KL: variants seen among roughly 807,000 people sequenced by gnomAD.
KL encodes the protein klotho.
Under a neutral mutation model 84.2 loss-of-function variants are expected in KL, and 62 were observed. The observed-to-expected ratio is 0.74, with a 90% confidence interval of 0.60 to 0.91. The LOEUF is 0.91. Among genes scored for constraint, KL ranks in the 40% least tolerant of loss-of-function variants. The pLI is 0.00. For missense variants in KL, 1,261 were observed against 1,305.7 expected, an observed-to-expected ratio of 0.97 and a Z score of 0.53; for synonymous variants, 528 against 528.0, an observed-to-expected ratio of 1.00 and a Z score of 0.00.
chr13:33,032,927 T>C (rs1308325007), intron 1 of KL, among the ~76,000 whole-genome samples: 1 of 151,882 alleles, frequency 6.6e-6, no homozygotes. Context: ...AATCTTTCCT[T>C]CCTCTGAATC....
intron 3 of KL, 107 bp from the exon 4 acceptor site, chr13:33,060,572 G>C: frequency 1.6e-6 from 2 of 1,218,722 alleles, no homozygotes; most frequent in Non-Finnish European, 2.4e-6. Flanking sequence ...AGCTAGAAAG[G>C]CTTCTATTTT....
intron 4 of KL, among the ~76,000 whole-genome samples, chr13:33,063,189 A>G (rs1233124775): frequency 6.6e-6 from 1 of 151,964 alleles, no homozygotes; most frequent in East Asian, 1.9e-4. Context: ...TGTCATCAGT[A>G]AAGTAGCCAG....
rs536524249 is a variant in KL, at chr13:33,019,569, GAGTCA to G, written c.819+2313_819+2317del. Among the ~76,000 whole-genome samples the G allele has an allele frequency of 3.7e-3, 561 of 152,142 alleles. 3 individuals carry two copies. The highest frequency in any genetic ancestry group is 0.034 in the Middle Eastern group (10 of 294). ...GATGGGAAGCTTGACCCCTCCTAGA[GAGTCA>G]AGAATCATTGATGGCCTGGAGGACA... On this transcript the variant is annotated intron_variant, in intron 1 of 4. Coordinates refer to ENST00000380099, the MANE Select transcript of KL (RefSeq NM_004795.4).
At position 33,046,768 on chromosome 13, in the gene KL, T is replaced by C. The variant is rs147071734; in HGVS notation, c.820-6999T>C. ...ATCTTGTTTTTTTTTTTGATGTAGG[T>C]ATTTAAAGCTATAAAATTTCCTCTG... On this transcript the variant is annotated intron_variant, in intron 1 of 4. Transcript: ENST00000380099. 4.1e-3 allele frequency among the ~76,000 whole-genome samples: 612 copies of C among 151,100 alleles called. 6 individuals carry two copies. Among genetic ancestry groups the C allele is most frequent in the African/African-American group, 0.014 (589 of 41,374 alleles).
At position 33,020,394 on chromosome 13, in the gene KL, C is replaced by T. The variant is rs191269005; in HGVS notation, c.819+3135C>T. On this transcript the variant is annotated intron_variant, in intron 1 of 4. Coordinates refer to ENST00000380099, the MANE Select transcript of KL (RefSeq NM_004795.4). ...CCTGTAAATAGTGGAGGGCTCAGGG[C>T]TCTGTCTAGATTCACTCCAGGCCAT... 2.2e-3 allele frequency among the ~76,000 whole-genome samples: 339 copies of T among 152,206 alleles called. 4 individuals carry two copies. The highest frequency in any genetic ancestry group is 2.4e-3 in the Non-Finnish European group (163 of 68,004).
At chr13:33,051,868 C>A (rs958082228) in intron 1 of KL, among the ~76,000 whole-genome samples, 1 of 152,156 alleles carries the variant, frequency 6.6e-6, no homozygotes, top group African/African-American at 2.4e-5. Context: ...TTAGGAAAGT[C>A]CCCTGGTTTT....
chr13:33,025,191 G>A (rs1351399987), intron 1 of KL, among the ~76,000 whole-genome samples: 3 of 152,200 alleles, frequency 2.0e-5, no homozygotes, highest in Non-Finnish European at 4.4e-5. Flanking sequence ...TTCAAGAAAG[G>A]AGAGATAGGT....
chr13:33,042,016 G>A (rs1356355986), intron 1 of KL, among the ~76,000 whole-genome samples: 2 of 152,120 alleles, frequency 1.3e-5, no homozygotes, highest in African/African-American at 4.8e-5. Flanking sequence ...AAAGTGCCTA[G>A]TGTAATATTT....
At chr13:33,059,951 AACTC>A (rs746123534) in intron 3 of KL, among the ~76,000 whole-genome samples, 1 of 152,138 alleles carries the variant, frequency 6.6e-6, no homozygotes, top group Non-Finnish European at 1.5e-5. Context: ...TTTCTTACTT[AACTC>A]ACTCAGTTTT....
intron 1 of KL, among the ~76,000 whole-genome samples, chr13:33,044,522 C>T (rs1187119951): frequency 6.6e-6 from 1 of 151,596 alleles, no homozygotes; most frequent in East Asian, 1.9e-4. Context: ...CAAACTTGCA[C>T]ATCTTTTGTT....
At chr13:33,021,347 A>G (rs2138189617) in intron 1 of KL, among the ~76,000 whole-genome samples, 1 of 152,340 alleles carries the variant, frequency 6.6e-6, no homozygotes, top group African/African-American at 2.4e-5. Context: ...TTCCATTGTG[A>G]AAATGTCCAG....
At chr13:33,031,188 A>T (rs1566500526) in intron 1 of KL, among the ~76,000 whole-genome samples, 1 of 152,236 alleles carries the variant, frequency 6.6e-6, no homozygotes, top group Non-Finnish European at 1.5e-5. Context: ...TAAGAAGCTA[A>T]TGGAAGATAT....
Position 33,016,827 on chromosome 13 carries a change from C to T in KL, c.387C>T (p.Tyr129=), listed in dbSNP as rs373385333. The T allele has an allele frequency of 4.9e-4, 797 of 1,612,916 alleles. 2 individuals are homozygous for T. The highest frequency in any genetic ancestry group is 3.2e-3 in the South Asian group (294 of 91,072). ...CCGGGGACGTAGCCAGCGACAGCTA[C>T]AACAACGTCTTCCGCGACACGGAGG... ...PATGDVASDS[Y]NNVFRDTEAL... is the part of the protein sequence containing the mutation. Residue 129 remains tyrosine (Y), a synonymous_variant, in exon 1 of 5, where the codon TAC becomes TAT. Transcript: ENST00000380099.
chr13:33,019,618 C>T (rs1157983245), intron 1 of KL, among the ~76,000 whole-genome samples: 1 of 151,912 alleles, frequency 6.6e-6, no homozygotes, highest in Non-Finnish European at 1.5e-5. Flanking sequence ...AACAAACAAA[C>T]AGCAGGACAA....
intron 1 of KL, among the ~76,000 whole-genome samples, chr13:33,027,538 T>C (rs1870824367): frequency 2.0e-5 from 3 of 152,348 alleles, no homozygotes; most frequent in South Asian, 2.1e-4. Context: ...GGCTCTTATA[T>C]TGAGCCTTTA....
At chr13:33,051,566 G>C (rs1871750691) in intron 1 of KL, among the ~76,000 whole-genome samples, 1 of 152,042 alleles carries the variant, frequency 6.6e-6, no homozygotes, top group Admixed American at 6.6e-5. Context: ...GATGGAGCAG[G>C]AACTTTATCT....
intron 1 of KL, among the ~76,000 whole-genome samples, chr13:33,034,637 T>C (rs904388243): frequency 3.3e-5 from 5 of 152,204 alleles, no homozygotes; most frequent in Non-Finnish European, 7.3e-5. Context: ...CCTTAGAACA[T>C]TCTTTATAAT....
chr13:33,039,844 G>A (rs1871274135), intron 1 of KL, among the ~76,000 whole-genome samples: 1 of 152,112 alleles, frequency 6.6e-6, no homozygotes. Flanking sequence ...AAACAGCTAG[G>A]CTGGGAAGTG....
intron 3 of KL, among the ~76,000 whole-genome samples, chr13:33,058,206 A>C (rs1593810081): frequency 6.6e-6 from 1 of 152,206 alleles, no homozygotes. Flanking sequence ...CTCCCATAAC[A>C]TACTAAATAC....
Sources: allele counts gnomAD v4.1 joint callset (sites outside exome capture counted in the v4.1 genomes callset), GRCh38; gene constraint gnomAD v4.1.1; transcripts MANE v1.5; gene names NCBI Gene and HGNC (gene_info 2026-07-23, HGNC 2026-07-21).